The following SUFU variants were observed in gnomAD, a reference collection of about 807,000 sequenced individuals.
SUFU encodes SUFU negative regulator of hedgehog signaling.
In SUFU, 7 loss-of-function variants were observed where a neutral mutation model predicts 58.9. That is an observed-to-expected ratio of 0.12 (90% CI 0.07 to 0.22). The LOEUF is 0.22. Among genes scored for constraint, SUFU ranks in the 10% least tolerant of loss-of-function variants. The probability of loss-of-function intolerance (pLI) is 1.00; values close to 1 mark genes in which losing one functional copy is unlikely to be tolerated. For missense variants in SUFU, 451 were observed against 641.3 expected, an observed-to-expected ratio of 0.70 and a Z score of 3.20; for synonymous variants, 232 against 254.8, an observed-to-expected ratio of 0.91 and a Z score of 0.85.
chr10:102,537,986 A>G (rs958950435), intron 2 of SUFU, among the ~76,000 whole-genome samples: 20 of 152,370 alleles, frequency 1.3e-4, no homozygotes, highest in African/African-American at 4.8e-4. Flanking sequence ...ACTGTTTTCC[A>G]TAGCAGCTGT....
intron 10 of SUFU, among the ~76,000 whole-genome samples, chr10:102,626,532 G>A (rs974294089): frequency 6.6e-6 from 1 of 152,126 alleles, no homozygotes; most frequent in Non-Finnish European, 1.5e-5. Flanking sequence ...GTGGCTGATC[G>A]AGCACAGCAG....
At chr10:102,552,208 G>T (rs925469308) in intron 3 of SUFU, among the ~76,000 whole-genome samples, 11 of 152,154 alleles carry the variant, frequency 7.2e-5, no homozygotes, top group African/African-American at 2.4e-4. Context: ...AGTTTGAGAG[G>T]CTGAAGCAGG....
rs1171604398 is a variant in SUFU, at chr10:102,549,981, C to G, written c.329C>G (p.Thr110Arg). The G allele has an allele frequency of 2.3e-5, 37 of 1,614,096 alleles. No homozygotes were observed. Among genetic ancestry groups the G allele is most frequent in the Non-Finnish European group, 3.1e-5 (36 of 1,180,042 alleles). The stretch of plus-strand genomic sequence containing the variant: ...TTTATGTCTTTCAGGTTTACAGGAA[C>G]AGATGGACCTAGTGGTTTTGGCTTT... ...GDNRVHEFTG[T>R]DGPSGFGFEL... Residue 110 changes from threonine to arginine, a missense_variant, in exon 3 of 12, where the codon ACA (threonine) becomes AGA (arginine). Coordinates refer to ENST00000369902, the MANE Select transcript of SUFU (RefSeq NM_016169.4).
intron 2 of SUFU, among the ~76,000 whole-genome samples, chr10:102,540,925 G>A (rs777706381): frequency 1.1e-4 from 17 of 152,096 alleles, no homozygotes; most frequent in Non-Finnish European, 1.8e-4. Context: ...GGGAGGCTGA[G>A]GCAGGTGAAT....
At chr10:102,527,653 G>T (rs1298154113) in intron 2 of SUFU, among the ~76,000 whole-genome samples, 1 of 152,026 alleles carries the variant, frequency 6.6e-6, no homozygotes, top group African/African-American at 2.4e-5. Context: ...CTCTTTGGGT[G>T]GCAGTGGGAA....
At chr10:102,608,620 G>A (rs2063587707) in intron 8 of SUFU, among the ~76,000 whole-genome samples, 1 of 152,212 alleles carries the variant, frequency 6.6e-6, no homozygotes, top group Non-Finnish European at 1.5e-5. Flanking sequence ...CCAGCAGGGA[G>A]TGTGAGTCCT....
At chr10:102,561,726 T>C (rs1451370947) in intron 3 of SUFU, among the ~76,000 whole-genome samples, 1 of 141,076 alleles carries the variant, frequency 7.1e-6, no homozygotes, top group Non-Finnish European at 1.5e-5. Flanking sequence ...CGGAGTCCAG[T>C]GGTACGATTA....
chr10:102,504,219 C>T lies in SUFU; in HGVS notation c.67C>T (p.Pro23Ser), dbSNP rs766666529. 22 of 1,610,556 alleles carry T rather than the reference C, an allele frequency of 1.4e-5. No homozygotes were observed. Among genetic ancestry groups the T allele is most frequent in the African/African-American group, 6.7e-5 (5 of 74,842 alleles). ...GCCCCCGGCCCCTGGCCCGACTGCC[C>T]CCCCGGCCTTCGCTTCGCTCTTTCC... ...TAPPAPGPTAPPAFASLFPPG... is the reference protein window; with the variant it reads ...TAPPAPGPTASPAFASLFPPG... The change falls in exon 1 of 12, where the codon CCC (proline) becomes TCC (serine). Residue 23 changes from proline to serine, a missense_variant. Coordinates refer to ENST00000369902, the MANE Select transcript of SUFU (RefSeq NM_016169.4).
chr10:102,547,968 T>C (rs935372822), intron 2 of SUFU, among the ~76,000 whole-genome samples: 1 of 151,504 alleles, frequency 6.6e-6, no homozygotes, highest in African/African-American at 2.4e-5. Flanking sequence ...CTGGGCAACA[T>C]AGGGAGACTT....
intron 3 of SUFU, among the ~76,000 whole-genome samples, chr10:102,592,158 A>C (rs761600270): frequency 7.2e-5 from 11 of 152,242 alleles, no homozygotes; most frequent in Non-Finnish European, 1.2e-4. Flanking sequence ...CTGTTTCTCC[A>C]AGGTGAAGGG....
At chr10:102,533,796 C>T (rs1340745973) in intron 2 of SUFU, among the ~76,000 whole-genome samples, 2 of 152,166 alleles carry the variant, frequency 1.3e-5, no homozygotes, top group Non-Finnish European at 2.9e-5. Context: ...AGATCATCCC[C>T]ATCTCAAGAT....
At chr10:102,563,000 C>G (rs2063053916) in intron 3 of SUFU, among the ~76,000 whole-genome samples, 1 of 152,134 alleles carries the variant, frequency 6.6e-6, no homozygotes, top group Non-Finnish European at 1.5e-5. Context: ...TCATATTGCC[C>G]CTTTTCAGAT....
At chr10:102,550,575 T>A (rs2062902174) in intron 3 of SUFU, among the ~76,000 whole-genome samples, 1 of 152,172 alleles carries the variant, frequency 6.6e-6, no homozygotes, top group Non-Finnish European at 1.5e-5. Context: ...GCATGGTTCT[T>A]ATACCACCTG....
chr10:102,560,033 A>G (rs1228039898), intron 3 of SUFU, among the ~76,000 whole-genome samples: 3 of 152,200 alleles, frequency 2.0e-5, no homozygotes, highest in African/African-American at 7.2e-5. Context: ...ATCAGAGCTC[A>G]TGGCTGATCC....
At position 102,515,352 on chromosome 10, in the gene SUFU, T is replaced by C. The variant is rs1033949687; in HGVS notation, c.317+6049T>C. 2.0e-5 allele frequency among the ~76,000 whole-genome samples: 3 copies of C among 149,162 alleles called. No individual in the cohort carries two copies. In the East Asian group the frequency reaches 5.9e-4, roughly 29 times the overall value. ...TTTTTTTTGAGACGGAGTCTTGCTC[T>C]GTCACCCAGGCTGGAGTGCAATGGT... On this transcript the variant is annotated intron_variant, in intron 2 of 11. Transcript: ENST00000369902.
chr10:102,568,447 A>C (rs561026182), intron 3 of SUFU, among the ~76,000 whole-genome samples: 1 of 152,210 alleles, frequency 6.6e-6, no homozygotes, highest in Non-Finnish European at 1.5e-5. Flanking sequence ...TGCTGCTGAG[A>C]CAGCCATTTT....
At position 102,630,325 on chromosome 10, in the gene SUFU, C is replaced by T; in HGVS notation, c.*170C>T. 1 of 662,452 alleles carries T rather than the reference C, an allele frequency of 1.5e-6. No homozygotes were observed. The highest frequency in any genetic ancestry group is 1.8e-5 in the African/African-American group (1 of 55,920). The allele number at this position is 662,452 out of a possible 1,614,324, so 41.0% of individuals were successfully genotyped here. ...GTGCCATGCACAGGCCACAGGCCCT[C>T]CACCTCACCTCCAGCTCAGGGGCCG... On this transcript the variant is annotated 3_prime_UTR_variant, in exon 12 of 12. Coordinates refer to ENST00000369902, the MANE Select transcript of SUFU (RefSeq NM_016169.4).
At chr10:102,612,774 C>T (rs990608499) in intron 8 of SUFU, among the ~76,000 whole-genome samples, 41 of 152,260 alleles carry the variant, frequency 2.7e-4, no homozygotes, top group African/African-American at 9.6e-4. Flanking sequence ...CTGGTCCTTT[C>T]GCTTAAACTC....
Position 102,550,197 on chromosome 10 carries a change from A to C in SUFU, c.454+91A>C. 1.9e-6 allele frequency: 3 copies of C among 1,574,474 alleles called. No individual in the cohort carries two copies. The Admixed American group carries it at 5.4e-5, about 28-fold the overall frequency. On this transcript the variant is annotated intron_variant, in intron 3 of 11. Coordinates refer to ENST00000369902, the MANE Select transcript of SUFU (RefSeq NM_016169.4). The stretch of plus-strand genomic sequence containing the variant: ...AGCAGCTATATTTTGATGTTTGTGG[A>C]GTGGCCTTTCCTGGGAGTACTATGC...
Sources: gnomAD v4.1 joint callset for allele counts (sites outside exome capture counted in the v4.1 genomes callset) on GRCh38, gnomAD v4.1.1 for gene constraint, MANE v1.5 for transcripts, NCBI Gene and HGNC (gene_info 2026-07-23, HGNC 2026-07-21) for gene names.